The following EPHA8 variants were observed in gnomAD, a reference collection of about 807,000 sequenced individuals.
EPHA8 encodes ephrin type-A receptor 8.
EPHA8 carries 58 observed loss-of-function variants against 103.6 expected under a neutral mutation model. That is an observed-to-expected ratio of 0.56 (90% CI 0.45 to 0.70). The LOEUF (loss-of-function observed/expected upper bound fraction) is 0.70. Ranked by LOEUF, EPHA8 falls within the 30% of genes least tolerant of loss-of-function variation. EPHA8 has a pLI of 0.00. For missense variants in EPHA8, 1,304 were observed against 1,395.2 expected, an observed-to-expected ratio of 0.93 and a Z score of 1.04; for synonymous variants, 559 against 572.5, an observed-to-expected ratio of 0.98 and a Z score of 0.34.
At chr1:22,600,876 G>GCCCAGCGCTGAT in intron 14 of EPHA8, 22 bp from the exon 15 acceptor site, 1 of 1,593,692 alleles carries the variant, frequency 6.3e-7, no homozygotes, top group Non-Finnish European at 8.6e-7. Context: ...GGACGGCTGA[G>GCCCAGCGCTGAT]CCCAGCGCTG....
Position 22,598,898 on chromosome 1 carries a change from G to A in EPHA8, c.2239G>A (p.Gly747Ser), listed in dbSNP as rs200648943. Residue 747 changes from glycine (G) to serine (S), a missense_variant, in exon 13 of 17, where the codon GGC becomes AGC. Coordinates refer to ENST00000166244, the MANE Select transcript of EPHA8 (RefSeq NM_020526.5). This position sits in a 1 kb window ranked among gnomAD's most constrained non-coding sequence, Gnocchi z 5.1. ...LVGMLRGVGA[G>S]MRYLSDLGYV... Reference sequence around the variant, plus strand: ...GGGCATGCTGAGAGGAGTGGGTGCCGGCATGCGCTACCTCTCAGACCTGGG... The same window carrying A: ...GGGCATGCTGAGAGGAGTGGGTGCCAGCATGCGCTACCTCTCAGACCTGGG... 16 of 1,612,882 alleles carry A rather than the reference G, an allele frequency of 9.9e-6. No homozygotes were observed. The highest frequency in any genetic ancestry group is 2.2e-5 in the East Asian group (1 of 44,850).
In EPHA8 at chr1:22,597,991, A is replaced by T. The variant is rs1008376163; in HGVS notation, c.2116+130A>T. The T allele has an allele frequency of 3.5e-6, 5 of 1,443,074 alleles. No individual in the cohort carries two copies. The African/African-American group carries it at 4.3e-5, about 12-fold the overall frequency. The allele number at this position is 1,443,074 out of a possible 1,614,324, so 89.4% of individuals were successfully genotyped here. Reference sequence around the variant, plus strand: ...TCCTCTTGGTTCAGGTCCCTGAATGACTCGGGGTGCCCAGAGCCTGGGACC... The same window carrying T: ...TCCTCTTGGTTCAGGTCCCTGAATGTCTCGGGGTGCCCAGAGCCTGGGACC... On this transcript the variant is annotated intron_variant, in intron 11 of 16. Transcript: ENST00000166244. The surrounding 1 kb of genome is among the most constrained non-coding windows in gnomAD (Gnocchi z 4.6).
intron 2 of EPHA8, among the ~76,000 whole-genome samples, chr1:22,575,592 C>G (rs1195124487): frequency 6.6e-6 from 1 of 152,096 alleles, no homozygotes. Flanking sequence ...TCACTGATGC[C>G]CAGCCAGCAG....
chr1:22,578,451 C>A (rs757696170), intron 3 of EPHA8, among the ~76,000 whole-genome samples: 1 of 32,962 alleles, frequency 3.0e-5, no homozygotes, highest in Non-Finnish European at 6.4e-5. Context: ...TGCATGTGTG[C>A]GAGTGTATGC....
At chr1:22,568,375 C>A (rs1323265392) in intron 1 of EPHA8, among the ~76,000 whole-genome samples, 1 of 152,202 alleles carries the variant, frequency 6.6e-6, no homozygotes, top group African/African-American at 2.4e-5. Context: ...AGTGCTCCTT[C>A]CCTGCCGTGG....
At chr1:22,600,028 GAGA>G (rs1165374827) in intron 13 of EPHA8, among the ~76,000 whole-genome samples, 2 of 121,412 alleles carry the variant, frequency 1.6e-5, no homozygotes, top group African/African-American at 3.1e-5. Flanking sequence ...AGGGAAGGGA[GAGA>G]AGGAGGGAGG....
rs760151702 is a variant in EPHA8 at position 22,601,756 on chromosome 1, G to T, written c.*15G>T. ...GGCACCTCTGATGTACAGCCAGCAG[G>T]GCCCAGGCAGCCACCAAGCCCACCC... On this transcript the variant is annotated 3_prime_UTR_variant, in exon 17 of 17. Coordinates refer to ENST00000166244, the MANE Select transcript of EPHA8 (RefSeq NM_020526.5). The T allele has an allele frequency of 3.9e-6, 6 of 1,550,862 alleles. No homozygotes were observed. The highest frequency in any genetic ancestry group is 2.7e-5 in the African/African-American group (2 of 73,052).
In EPHA8 at chr1:22,563,568, G is replaced by C. The variant is rs1038010605; in HGVS notation, c.-68G>C. 35 of 146,052 alleles carry C rather than the reference G, an allele frequency of 2.4e-4. No homozygotes were observed. The highest frequency in any genetic ancestry group is 8.1e-4 in the African/African-American group (33 of 40,620). 9.0% of individuals were successfully genotyped at this position (146,052 alleles called of 1,614,324 possible). A position where few individuals can be genotyped will look rare whatever the true frequency, so the allele number is the denominator to read the frequency against. On this transcript the variant is annotated 5_prime_UTR_variant, in exon 1 of 17. Coordinates refer to ENST00000166244, the MANE Select transcript of EPHA8 (RefSeq NM_020526.5). The surrounding 1 kb of genome is among the most constrained non-coding windows in gnomAD (Gnocchi z 4.4). ...AGAGCGAGGGAGCGCGCTCCCTCCC[G>C]ACGCGCGGGCCGCAGCGGCCAAGCC...
intron 14 of EPHA8, 32 bp downstream of exon 14, chr1:22,600,842 G>C: frequency 3.1e-6 from 5 of 1,589,476 alleles, no homozygotes; most frequent in Non-Finnish European, 4.3e-6. Context: ...GTCCGCGGGC[G>C]GTGGAGCCTC....
Position 22,597,701 on chromosome 1 carries a change from G to C in EPHA8, c.1956G>C (p.Gly652=). 1.2e-6 allele frequency: 2 copies of C among 1,611,722 alleles called. No individual in the cohort carries two copies. Among genetic ancestry groups the C allele is most frequent in the Non-Finnish European group, 1.7e-6 (2 of 1,179,190 alleles). ...GSGDSGEVCY[G]RLRVPGQRDV... The stretch of plus-strand genomic sequence containing the variant: ...GAGACTCCGGGGAAGTCTGCTACGG[G>C]AGGCTGCGGGTGCCAGGGCAGCGGG... The change falls in exon 11 of 17, where the codon GGG becomes GGC. Residue 652 remains glycine (G), a synonymous_variant. Coordinates refer to ENST00000166244, the MANE Select transcript of EPHA8 (RefSeq NM_020526.5). The surrounding 1 kb of genome is among the most constrained non-coding windows in gnomAD (Gnocchi z 4.6).
At chr1:22,593,770 T>C (rs1028968229) in intron 7 of EPHA8, 84 bp downstream of exon 7, 5 of 1,420,398 alleles carry the variant, frequency 3.5e-6, no homozygotes, top group African/African-American at 1.4e-5. Context: ...AGAGAGCTAG[T>C]GCAGGCTGAG....
At position 22,601,482 on chromosome 1, in the gene EPHA8, T is replaced by C. The variant is rs2148274001; in HGVS notation, c.2903+9T>C. The C allele has an allele frequency of 6.2e-7, 1 of 1,602,942 alleles. No homozygotes were observed. The highest frequency in any genetic ancestry group is 8.5e-7 in the Non-Finnish European group (1 of 1,177,522). On this transcript the variant is annotated intron_variant, in intron 16 of 16. Coordinates refer to ENST00000166244, the MANE Select transcript of EPHA8 (RefSeq NM_020526.5). ...CTACGCATGAACGCCCAGTGAGTGATGGGTGGGGCTGGGGCCCCATGCGTG... is the reference window on the plus strand; with the variant it reads ...CTACGCATGAACGCCCAGTGAGTGACGGGTGGGGCTGGGGCCCCATGCGTG...
rs548931759 is a variant in EPHA8, at chr1:22,601,533, C to T, written c.2903+60C>T. On this transcript the variant is annotated intron_variant, in intron 16 of 16. Coordinates refer to ENST00000166244, the MANE Select transcript of EPHA8 (RefSeq NM_020526.5). Reference sequence around the variant, plus strand: ...TGGGGGCAGGGGGGGGGACCCCTGCCGGGGAGGCTACAGGTCCAGATCCAT... The same window carrying T: ...TGGGGGCAGGGGGGGGGACCCCTGCTGGGGAGGCTACAGGTCCAGATCCAT... 7.6e-5 allele frequency: 122 copies of T among 1,600,918 alleles called. No individual in the cohort carries two copies. The African/African-American group carries it at 1.2e-3, about 15-fold the overall frequency.
intron 3 of EPHA8, among the ~76,000 whole-genome samples, chr1:22,578,355 TGC>T (rs1441940144): frequency 4.7e-5 from 7 of 150,478 alleles, no homozygotes; most frequent in Non-Finnish European, 8.9e-5. Context: ...TGTGTATGTG[TGC>T]GTGCATGTGT....
At chr1:22,570,391 C>T (rs565882337) in intron 2 of EPHA8, among the ~76,000 whole-genome samples, 36 of 83,380 alleles carry the variant, frequency 4.3e-4, no homozygotes, top group African/African-American at 9.9e-4. Flanking sequence ...CACGCGCGCG[C>T]GCATACGCAC....
chr1:22,586,673 A>G, intron 4 of EPHA8, 38 bp downstream of exon 4: 1 of 1,604,214 alleles, frequency 6.2e-7, no homozygotes, highest in Non-Finnish European at 8.5e-7. Context: ...CCTTGAGCCC[A>G]AGACTGGGCC....
At chr1:22,579,011 G>A (rs1336116968) in intron 3 of EPHA8, among the ~76,000 whole-genome samples, 1 of 145,988 alleles carries the variant, frequency 6.8e-6, no homozygotes, top group Admixed American at 7.2e-5. Flanking sequence ...ATGCATGTGT[G>A]TGCATATGTG....
In EPHA8 at chr1:22,576,542, G is replaced by A. The variant is rs1395045322; in HGVS notation, c.485G>A (p.Arg162Gln). The stretch of plus-strand genomic sequence containing the variant: ...TTCACAGGTGCCGACCTTGGTGTGC[G>A]GCGTCTCAAGCTCAACACGGAGGTG... ...ESFTGADLGV[R>Q]RLKLNTEVRS... Residue 162 changes from arginine (R) to glutamine (Q), a missense_variant, in exon 3 of 17, where the codon CGG becomes CAG. Coordinates refer to ENST00000166244, the MANE Select transcript of EPHA8 (RefSeq NM_020526.5). The surrounding 1 kb of genome is among the most constrained non-coding windows in gnomAD (Gnocchi z 4.8). 5.6e-6 allele frequency: 9 copies of A among 1,614,158 alleles called. No individual in the cohort carries two copies. The highest frequency in any genetic ancestry group is 1.6e-4 in the Middle Eastern group (1 of 6,062).
At chr1:22,570,922 G>T (rs1292245475) in intron 2 of EPHA8, among the ~76,000 whole-genome samples, 1 of 152,280 alleles carries the variant, frequency 6.6e-6, no homozygotes, top group Non-Finnish European at 1.5e-5. Context: ...CTTTGGTGCA[G>T]TGAGCTGGTC....
Sources: gnomAD v4.1 joint callset for allele counts (sites outside exome capture counted in the v4.1 genomes callset) on GRCh38, gnomAD v4.1.1 for gene constraint, Gnocchi (gnomAD v3.1) non-coding constraint, MANE v1.5 for transcripts, NCBI Gene and HGNC (gene_info 2026-07-23, HGNC 2026-07-21) for gene names.